Variants in GLS observed in about 807,000 individuals in gnomAD.
The protein encoded by GLS is glutaminase, also known as glutaminase kidney isoform, mitochondrial.
In GLS, 36 loss-of-function variants were observed where a neutral mutation model predicts 86.7. That is an observed-to-expected ratio of 0.42 (90% CI 0.32 to 0.55). The LOEUF (loss-of-function observed/expected upper bound fraction) is 0.55, where lower values mean the gene tolerates loss of function less well. GLS is among the 20% of genes least tolerant of loss of function. The probability of loss-of-function intolerance (pLI) is 0.17; values close to 1 mark genes in which losing one functional copy is unlikely to be tolerated. For synonymous variants in GLS, 317 were observed against 305.9 expected (o/e 1.04, Z -0.38); for missense variants, 528 against 833.4 (o/e 0.63, Z 4.51).
rs3036653 is a variant in GLS, at chr2:190,942,067, C to CTTTTTTTTTTTTTTTTTTTT, written c.1650+10441_1650+10460dup. Among the ~76,000 whole-genome samples the CTTTTTTTTTTTTTTTTTTTT allele has an allele frequency of 5.8e-4, 22 of 38,054 alleles. 7 individuals are homozygous for CTTTTTTTTTTTTTTTTTTTT. The highest frequency in any genetic ancestry group is 9.6e-4 in the Admixed American group (2 of 2,092). 25.0% of individuals were successfully genotyped at this position (38,054 alleles called of 152,430 possible). On this transcript the variant is annotated intron_variant, in intron 14 of 17. Coordinates refer to ENST00000320717, the MANE Select transcript of GLS (RefSeq NM_014905.5). Reference sequence around the variant, plus strand: ...AGAGTTTAGTGTGAAACTTTGAAGACTTTTTTTTTTTTTTTTTTTTTTTTT... The same window carrying CTTTTTTTTTTTTTTTTTTTT: ...AGAGTTTAGTGTGAAACTTTGAAGACTTTTTTTTTTTTTTTTTTTTTTTTTTTTTTTTTTTTTTTTTTTTT...
Position 190,905,684 on chromosome 2 carries a change from A to G in GLS, c.979+517A>G, listed in dbSNP as rs1689110421. On this transcript the variant is annotated intron_variant, in intron 6 of 17. Transcript: ENST00000320717. The surrounding 1 kb of genome is among the most constrained non-coding windows in gnomAD (Gnocchi z 4.6). ...AATTTGAAAGAAATGCTTTGTGTTT[A>G]ATGCTTGGTTAACAAATCTTTTTAC... 6.6e-6 allele frequency among the ~76,000 whole-genome samples: 1 copy of G among 152,124 alleles called. No individual in the cohort carries two copies. The highest frequency in any genetic ancestry group is 2.1e-4 in the South Asian group (1 of 4,834).
intron 1 of GLS, among the ~76,000 whole-genome samples, chr2:190,888,624 G>A (rs1349205477): frequency 1.3e-5 from 2 of 152,184 alleles, no homozygotes; most frequent in East Asian, 1.9e-4. Context: ...GTAAATAGAT[G>A]TGGCAGTCTT....
At chr2:190,944,965 T>G (rs1286686740) in intron 14 of GLS, among the ~76,000 whole-genome samples, 1 of 152,214 alleles carries the variant, frequency 6.6e-6, no homozygotes. Context: ...TATAAATTGT[T>G]TCTTTGTTGC....
At chr2:190,902,393 G>A (rs1157559359) in intron 5 of GLS, among the ~76,000 whole-genome samples, 2 of 152,094 alleles carry the variant, frequency 1.3e-5, no homozygotes, top group Non-Finnish European at 2.9e-5. Flanking sequence ...TAACCCATCT[G>A]TCGTTGTCTT....
intron 7 of GLS, among the ~76,000 whole-genome samples, chr2:190,915,289 C>A (rs1381788856): frequency 6.6e-6 from 1 of 151,888 alleles, no homozygotes; most frequent in Admixed American, 6.6e-5. Context: ...CGTGAGCCAC[C>A]GCGCCCGGCC....
At chr2:190,960,678 C>T (rs899190728) in intron 17 of GLS, among the ~76,000 whole-genome samples, 3 of 151,990 alleles carry the variant, frequency 2.0e-5, no homozygotes, top group African/African-American at 7.3e-5. Context: ...GCCTGGCCAA[C>T]TATCTTTTTT....
chr2:190,890,357 C>T (rs1688519683), intron 1 of GLS, among the ~76,000 whole-genome samples: 1 of 152,020 alleles, frequency 6.6e-6, no homozygotes, highest in Non-Finnish European at 1.5e-5. Context: ...CTAGGACTCT[C>T]TTTTATCTGT....
intron 11 of GLS, 111 bp from the exon 12 acceptor site, chr2:190,927,195 T>G: frequency 1.2e-6 from 1 of 868,906 alleles, no homozygotes; most frequent in East Asian, 3.0e-5. Context: ...AAGTAATCTC[T>G]TTGGAAGAAA....
intron 1 of GLS, among the ~76,000 whole-genome samples, chr2:190,885,387 A>T (rs1436873591): frequency 6.6e-6 from 1 of 152,092 alleles, no homozygotes; most frequent in African/African-American, 2.4e-5. Flanking sequence ...ATGGGGTTTC[A>T]CCATGTTGGC....
Position 190,924,048 on chromosome 2 carries a change from G to T in GLS, c.1197+65G>T. ...TTTAATAAAATACATGAAGATGTAT[G>T]CTAAGAATTCAACAATAGCCTTTAA... On this transcript the variant is annotated intron_variant, in intron 10 of 17. Coordinates refer to ENST00000320717, the MANE Select transcript of GLS (RefSeq NM_014905.5). The surrounding 1 kb of genome is among the most constrained non-coding windows in gnomAD (Gnocchi z 5.2). The T allele has an allele frequency of 4.7e-6, 4 of 856,902 alleles. No homozygotes were observed. Among genetic ancestry groups the T allele is most frequent in the Non-Finnish European group, 7.7e-6 (4 of 522,756 alleles). The allele number at this position is 856,902 out of a possible 1,614,324, so 53.1% of individuals were successfully genotyped here. A position where few individuals can be genotyped will look rare whatever the true frequency, so the allele number is the denominator to read the frequency against.
rs540562379 is a variant in GLS, at chr2:190,938,500, T to A, written c.1650+6863T>A. Among the ~76,000 whole-genome samples the A allele has an allele frequency of 6.6e-6, 1 of 151,746 alleles. No individual in the cohort carries two copies. Among genetic ancestry groups the A allele is most frequent in the African/African-American group, 2.4e-5 (1 of 41,556 alleles). ...TTTGATGTACTTTTATTTACCATAA[T>A]CTTATATATTTTTTAGAATCACAGA... On this transcript the variant is annotated intron_variant, in intron 14 of 17. Coordinates refer to ENST00000320717, the MANE Select transcript of GLS (RefSeq NM_014905.5). The surrounding 1 kb of genome is among the most constrained non-coding windows in gnomAD (Gnocchi z 4.1).
chr2:190,881,059 G>C lies in GLS; in HGVS notation c.-26G>C. 4 of 1,539,294 alleles carry C rather than the reference G, an allele frequency of 2.6e-6. No individual in the cohort carries two copies. The Admixed American group carries it at 5.8e-5, about 22-fold the overall frequency. ...CACGCCCGGAGCATCCTCCCCTGTT[G>C]AGCGGGCGCTGACGGACCCGGCGGC... On this transcript the variant is annotated 5_prime_UTR_variant, in exon 1 of 18. Transcript: ENST00000320717.
chr2:190,895,588 AT>A lies in GLS; in HGVS notation c.484-9del. 6.4e-7 allele frequency: 1 copy of A among 1,571,712 alleles called. No individual in the cohort carries two copies. Among genetic ancestry groups the A allele is most frequent in the Non-Finnish European group, 8.7e-7 (1 of 1,148,582 alleles). The stretch of plus-strand genomic sequence containing the variant: ...TTGCACTATATATTTACAAACTCTT[AT>A]TTTTTTAAAAACAGGCACTCAAATC... On this transcript the variant is annotated splice_polypyrimidine_tract_variant and intron_variant, in intron 2 of 17. Transcript: ENST00000320717. This position sits in a 1 kb window ranked among gnomAD's most constrained non-coding sequence, Gnocchi z 4.2.
In GLS at chr2:190,930,948, C is replaced by T. The variant is rs1050346149; in HGVS notation, c.1557+380C>T. Among the ~76,000 whole-genome samples, 1 of 151,906 alleles carries T rather than the reference C, an allele frequency of 6.6e-6. No individual in the cohort carries two copies. The highest frequency in any genetic ancestry group is 1.5e-5 in the Non-Finnish European group (1 of 67,972). ...GTTAAATATCTTTATCCATTGACTA[C>T]CTTTAAACATTTTTTTGAGGAAATA... On this transcript the variant is annotated intron_variant, in intron 13 of 17. Coordinates refer to ENST00000320717, the MANE Select transcript of GLS (RefSeq NM_014905.5). The surrounding 1 kb of genome is among the most constrained non-coding windows in gnomAD (Gnocchi z 5.0).
intron 1 of GLS, among the ~76,000 whole-genome samples, chr2:190,885,146 T>G (rs188393365): frequency 5.3e-4 from 80 of 152,284 alleles, no homozygotes; most frequent in South Asian, 1.7e-3. Context: ...TTGATAGTTA[T>G]GGACAATGAA....
In GLS at chr2:190,881,553, G is replaced by C. The variant is rs1574551026; in HGVS notation, c.386+83G>C. 4 of 1,277,210 alleles carry C rather than the reference G, an allele frequency of 3.1e-6. No homozygotes were observed. In the South Asian group the frequency reaches 4.1e-5, roughly 13 times the overall value. The allele number at this position is 1,277,210 out of a possible 1,614,324, so 79.1% of individuals were successfully genotyped here. On this transcript the variant is annotated intron_variant, in intron 1 of 17. Coordinates refer to ENST00000320717, the MANE Select transcript of GLS (RefSeq NM_014905.5). ...TGTGTGGGGCCCTGCGGTGGGGCGG[G>C]ATAGGAGCCGAGGGTCTAGAAAAGA...
rs138528366 is a variant in GLS at position 190,918,734 on chromosome 2, T to C, written c.1039-2290T>C. 8.5e-5 allele frequency among the ~76,000 whole-genome samples: 13 copies of C among 152,292 alleles called. 1 individual carries two copies. The East Asian group carries it at 1.2e-3, about 14-fold the overall frequency. Reference sequence around the variant, plus strand: ...TTCTTACTAAGCTTAATAATCATTCTAGCTTTTTAAAAGTGAGAGATATAC... The same window carrying C: ...TTCTTACTAAGCTTAATAATCATTCCAGCTTTTTAAAAGTGAGAGATATAC... On this transcript the variant is annotated intron_variant, in intron 7 of 17. Transcript: ENST00000320717.
At chr2:190,904,645 T>C (rs1303187563) in intron 5 of GLS, among the ~76,000 whole-genome samples, 1 of 152,148 alleles carries the variant, frequency 6.6e-6, no homozygotes, top group Non-Finnish European at 1.5e-5. Context: ...ATTCCCTAAA[T>C]AATACAGTAC....
At chr2:190,902,135 G>T in intron 5 of GLS, 109 bp downstream of exon 5, 1 of 630,208 alleles carries the variant, frequency 1.6e-6, no homozygotes, top group East Asian at 2.7e-5. Context: ...AGTCCTAACA[G>T]GATATAATTT....
Sources: gnomAD v4.1 joint callset for allele counts (sites outside exome capture counted in the v4.1 genomes callset) on GRCh38, gnomAD v4.1.1 for gene constraint, Gnocchi (gnomAD v3.1) non-coding constraint, MANE v1.5 for transcripts, NCBI Gene and HGNC (gene_info 2026-07-23, HGNC 2026-07-21) for gene names.